Variants in CPEB3 observed in about 807,000 individuals in gnomAD.
CPEB3 encodes the protein cytoplasmic polyadenylation element-binding protein 3.
A neutral mutation model predicts 67.2 loss-of-function variants in CPEB3; 20 were observed. The observed-to-expected ratio is 0.30, with a 90% CI of 0.21 to 0.43. The LOEUF (loss-of-function observed/expected upper bound fraction) is 0.43, where lower values mean the gene tolerates loss of function less well. CPEB3 is among the 20% of genes least tolerant of loss of function. CPEB3 has a pLI of 1.00. For synonymous variants in CPEB3, 376 were observed against 393.1 expected, an observed-to-expected ratio of 0.96 and a Z score of 0.51; for missense variants, 746 against 968.6, an observed-to-expected ratio of 0.77 and a Z score of 3.05.
intron 4 of CPEB3, among the ~76,000 whole-genome samples, chr10:92,179,825 A>G (rs186041518): frequency 2.0e-5 from 3 of 152,368 alleles, no homozygotes; most frequent in African/African-American, 4.8e-5. Context: ...TGTGAAATAT[A>G]TATTTTAGAG....
rs914927841 is a variant in CPEB3 at position 92,052,082 on chromosome 10, G to T, written c.*130C>A. 3.3e-6 allele frequency: 2 copies of T among 609,690 alleles called. No homozygotes were observed. The highest frequency in any genetic ancestry group is 5.8e-6 in the Non-Finnish European group (2 of 342,044). 37.8% of individuals were successfully genotyped at this position (609,690 alleles called of 1,614,324 possible). ...TAAATAATAATAATAATAATAAAAA[G>T]ACCCAATTCTTCTTTAAAAATCGAG... On this transcript the variant is annotated 3_prime_UTR_variant, in exon 10 of 10. Transcript: ENST00000265997.
At chr10:92,178,202 G>A (rs1292930982) in intron 4 of CPEB3, among the ~76,000 whole-genome samples, 10 of 149,064 alleles carry the variant, frequency 6.7e-5, no homozygotes, top group African/African-American at 1.2e-4. Context: ...TCTGTCACCC[G>A]GGCTGGAGTG....
chr10:92,147,922 C>T (rs1846765020), intron 4 of CPEB3, among the ~76,000 whole-genome samples: 1 of 152,122 alleles, frequency 6.6e-6, no homozygotes, highest in Non-Finnish European at 1.5e-5. Context: ...TGGATTCAAT[C>T]CAGAAACCTA....
At chr10:92,154,008 G>A (rs1300078466) in intron 4 of CPEB3, among the ~76,000 whole-genome samples, 2 of 150,974 alleles carry the variant, frequency 1.3e-5, no homozygotes, top group Non-Finnish European at 2.9e-5. Flanking sequence ...CTATAACTAA[G>A]AAATTCTGCT....
intron 1 of CPEB3, chr10:92,272,021 TG>T (rs1247711576): frequency 6.6e-6 from 1 of 152,198 alleles, no homozygotes; most frequent in East Asian, 1.9e-4. Flanking sequence ...GGGTCCATAA[TG>T]GATTCATATT....
At chr10:92,100,199 TG>T in intron 7 of CPEB3, among the ~76,000 whole-genome samples, 1 of 152,282 alleles carries the variant, frequency 6.6e-6, no homozygotes, top group South Asian at 2.1e-4. Context: ...TTTTTGTTTT[TG>T]TTTTCCCCCC....
intron 9 of CPEB3, among the ~76,000 whole-genome samples, chr10:92,056,284 A>C (rs185747714): frequency 6.6e-6 from 1 of 152,350 alleles, no homozygotes; most frequent in Non-Finnish European, 1.5e-5. Flanking sequence ...AGCAACAGTC[A>C]AACAGTATTT....
intron 4 of CPEB3, among the ~76,000 whole-genome samples, chr10:92,163,082 A>T (rs1043370451): frequency 6.6e-6 from 1 of 152,180 alleles, no homozygotes; most frequent in Non-Finnish European, 1.5e-5. Context: ...GTTTTGATGA[A>T]TGTGTAACAT....
intron 2 of CPEB3, among the ~76,000 whole-genome samples, chr10:92,229,088 A>G: frequency 6.6e-6 from 1 of 151,528 alleles, no homozygotes; most frequent in African/African-American, 2.4e-5. Context: ...CAGTGGCACA[A>G]TCATGGCTCA....
intron 3 of CPEB3, among the ~76,000 whole-genome samples, chr10:92,189,829 C>A (rs1253315795): frequency 3.8e-5 from 1 of 26,614 alleles, no homozygotes; most frequent in Non-Finnish European, 6.6e-5. Context: ...CGCCCTGCCT[C>A]CAGTGATTTT....
chr10:92,253,463 C>CAAAAAAA (rs370091703), intron 1 of CPEB3, among the ~76,000 whole-genome samples: 209 of 75,660 alleles, frequency 2.8e-3, no homozygotes, highest in Middle Eastern at 0.012. Flanking sequence ...TGTCTCAAAA[C>CAAAAAAA]AAAAAAAAAA....
At chr10:92,071,070 TACACACACACAC>T (rs58497259) in intron 9 of CPEB3, among the ~76,000 whole-genome samples, 33 of 147,718 alleles carry the variant, frequency 2.2e-4, no homozygotes, top group African/African-American at 6.5e-4. Context: ...CACTTTCATT[TACACACACACAC>T]ACACACACAC....
chr10:92,165,403 C>CTTTTTTTTT (rs34205234), intron 4 of CPEB3, among the ~76,000 whole-genome samples: 6 of 121,468 alleles, frequency 4.9e-5, no homozygotes, highest in South Asian at 2.4e-4. Flanking sequence ...CTTTTTTCTT[C>CTTTTTTTTT]TTTTTTTTTT....
chr10:92,227,606 T>C (rs1346695201), intron 2 of CPEB3, among the ~76,000 whole-genome samples: 2 of 151,884 alleles, frequency 1.3e-5, no homozygotes, highest in Non-Finnish European at 2.9e-5. Context: ...TCTTTTTTTT[T>C]TTTTGAGACG....
Position 92,099,223 on chromosome 10 carries a change from C to CT in CPEB3, c.1573-7280dup, listed in dbSNP as rs11286697. Among the ~76,000 whole-genome samples the CT allele has an allele frequency of 1.0e-3, 146 of 142,366 alleles. 1 individual carries two copies. Among genetic ancestry groups the CT allele is most frequent in the South Asian group, 5.8e-3 (26 of 4,472 alleles). The allele number at this position is 142,366 out of a possible 152,430, so 93.4% of individuals were successfully genotyped here. A position where few individuals can be genotyped will look rare whatever the true frequency, so the allele number is the denominator to read the frequency against. On this transcript the variant is annotated intron_variant, in intron 7 of 9. Transcript: ENST00000265997. The stretch of plus-strand genomic sequence containing the variant: ...AGACATGCAATATGGGTCTTTTCGT[C>CT]TTTTTTTTTTTTTTTGAGACAGGGT...
chr10:92,246,078 G>A (rs1020541884), intron 1 of CPEB3, among the ~76,000 whole-genome samples: 2 of 151,132 alleles, frequency 1.3e-5, no homozygotes, highest in East Asian at 2.0e-4. Flanking sequence ...GCTCAAGCCT[G>A]TAATCCCAGC....
At chr10:92,256,397 T>C (rs1852514628) in intron 1 of CPEB3, among the ~76,000 whole-genome samples, 1 of 151,696 alleles carries the variant, frequency 6.6e-6, no homozygotes, top group Non-Finnish European at 1.5e-5. Context: ...TTTTTTCTTT[T>C]TTTTTTTTTT....
chr10:92,208,592 T>C (rs545603739), intron 2 of CPEB3, among the ~76,000 whole-genome samples: 5 of 150,266 alleles, frequency 3.3e-5, no homozygotes, highest in African/African-American at 1.0e-4. Flanking sequence ...CCTTTTTTTT[T>C]TTCTTTCTTT....
At chr10:92,173,318 T>G (rs1171828833) in intron 4 of CPEB3, among the ~76,000 whole-genome samples, 1 of 152,152 alleles carries the variant, frequency 6.6e-6, no homozygotes, top group Non-Finnish European at 1.5e-5. Context: ...TACCCAATAC[T>G]GTCACTTTAG....
Sources: allele counts gnomAD v4.1 joint callset (sites outside exome capture counted in the v4.1 genomes callset), GRCh38; gene constraint gnomAD v4.1.1; transcripts MANE v1.5; gene names NCBI Gene and HGNC (gene_info 2026-07-23, HGNC 2026-07-21).